ATP10A: variants seen among roughly 807,000 people sequenced by gnomAD.
ATP10A encodes the protein phospholipid-transporting ATPase VA.
A neutral mutation model predicts 147.8 loss-of-function variants in ATP10A; 111 were observed. The observed-to-expected ratio is 0.75, with a 90% CI of 0.64 to 0.88. ATP10A has a LOEUF of 0.88. ATP10A is among the 40% of genes least tolerant of loss of function. The pLI, the probability that ATP10A is intolerant of heterozygous loss-of-function variation, is 0.00. For missense variants in ATP10A, 1,927 were observed against 1,959.0 expected, an observed-to-expected ratio of 0.98 and a Z score of 0.31; for synonymous variants, 875 against 841.6, an observed-to-expected ratio of 1.04 and a Z score of -0.69.
chr15:25,780,615 A>G (rs1889870574), intron 2 of ATP10A, among the ~76,000 whole-genome samples: 1 of 152,186 alleles, frequency 6.6e-6, no homozygotes. Flanking sequence ...CTGAACCCAA[A>G]CACCCTTGAG....
rs181988418 is a variant in ATP10A, at chr15:25,747,214, G to A, written c.655-11073C>T. Among the ~76,000 whole-genome samples, 48 of 150,166 alleles carry A rather than the reference G, an allele frequency of 3.2e-4. No individual in the cohort carries two copies. In the East Asian group the frequency reaches 5.7e-3, roughly 18 times the overall value. ...TGAGTCAAGAGAAACACTTGAACACGGGAGGCGGAGGTTACAGTGAGCCAA... is the reference window on the plus strand; with the variant it reads ...TGAGTCAAGAGAAACACTTGAACACAGGAGGCGGAGGTTACAGTGAGCCAA... On this transcript the variant is annotated intron_variant, in intron 2 of 20. Coordinates refer to ENST00000555815, the MANE Select transcript of ATP10A (RefSeq NM_024490.4).
rs1901148198 is a variant in ATP10A, at chr15:25,708,016, G to C, written c.2535C>G (p.Phe845Leu). Residue 845 changes from phenylalanine (F) to leucine (L), a missense_variant, in exon 12 of 21, where the codon TTC becomes TTG. Phe to Leu is a conservative substitution (Grantham distance 22). Transcript: ENST00000555815. ...SSLENSEELL[F>L]QSAIRLETNL... Reference sequence around the variant, plus strand: ...TGGTCTCCAGGCGAATGGCAGACTGGAAGAGGAGCTCCTCGCTGTTTTCCA... The same window carrying C: ...TGGTCTCCAGGCGAATGGCAGACTGCAAGAGGAGCTCCTCGCTGTTTTCCA... The C allele has an allele frequency of 1.2e-6, 2 of 1,614,058 alleles. No individual in the cohort carries two copies. The highest frequency in any genetic ancestry group is 1.7e-5 in the Admixed American group (1 of 60,014).
chr15:25,863,739 A>G (rs1472742926), upstream of ATP10A: 1 of 152,186 alleles, frequency 6.6e-6, no homozygotes, highest in Admixed American at 6.5e-5. Flanking sequence ...CAGTGCTCCA[A>G]TTTTTAAGTC....
rs1056411531 is a variant in ATP10A at position 25,718,490 on chromosome 15, C to G, written c.1364-91G>C. 3.7e-6 allele frequency: 5 copies of G among 1,334,336 alleles called. No individual in the cohort carries two copies. In the African/African-American group the frequency reaches 5.8e-5, roughly 15 times the overall value. 82.7% of individuals were successfully genotyped at this position (1,334,336 alleles called of 1,614,324 possible). ...TCAGTGTGTTTTAGGTTCCGCGAGG[C>G]TTCCGGCAGGGCAGCCCCACAGGAT... On this transcript the variant is annotated intron_variant, in intron 7 of 20. Coordinates refer to ENST00000555815, the MANE Select transcript of ATP10A (RefSeq NM_024490.4).
At chr15:25,795,841 G>C (rs1490558274) in intron 1 of ATP10A, among the ~76,000 whole-genome samples, 1 of 152,138 alleles carries the variant, frequency 6.6e-6, no homozygotes, top group African/African-American at 2.4e-5. Flanking sequence ...ATCCCACATG[G>C]ATAGATGATT....
intron 1 of ATP10A, among the ~76,000 whole-genome samples, chr15:25,821,124 C>T (rs1339329393): frequency 6.6e-6 from 1 of 152,126 alleles, no homozygotes; most frequent in Non-Finnish European, 1.5e-5. Flanking sequence ...GCAGACTGGG[C>T]ACAAATGGCT....
intron 7 of ATP10A, among the ~76,000 whole-genome samples, chr15:25,718,691 G>T (rs773885952): frequency 6.6e-6 from 1 of 152,132 alleles, no homozygotes; most frequent in East Asian, 1.9e-4. Flanking sequence ...ACGTCCAGCC[G>T]GTCTCTTCAG....
chr15:25,817,913 G>A (rs1462910895), intron 1 of ATP10A, among the ~76,000 whole-genome samples: 4 of 152,146 alleles, frequency 2.6e-5, no homozygotes, highest in African/African-American at 9.6e-5. Context: ...TTCCTTTAAA[G>A]AGAATATACA....
rs569533846 is a variant in ATP10A, at chr15:25,723,174, C to T, written c.1110+717G>A. On this transcript the variant is annotated intron_variant, in intron 6 of 20. Coordinates refer to ENST00000555815, the MANE Select transcript of ATP10A (RefSeq NM_024490.4). ...GACCAGCCTGGCCAACATGGTGAAA[C>T]CCCATCTCTACCAAAAATACAAAAA... 2.0e-5 allele frequency among the ~76,000 whole-genome samples: 3 copies of T among 152,044 alleles called. No homozygotes were observed. The East Asian group carries it at 5.8e-4, about 29-fold the overall frequency.
chr15:25,816,065 T>C (rs1398012721), intron 1 of ATP10A, among the ~76,000 whole-genome samples: 2 of 151,018 alleles, frequency 1.3e-5, no homozygotes, highest in African/African-American at 2.4e-5. Flanking sequence ...TATAGGAAAA[T>C]TAAGAATATT....
chr15:25,768,162 G>A (rs1262404274), intron 2 of ATP10A, among the ~76,000 whole-genome samples: 2 of 152,164 alleles, frequency 1.3e-5, no homozygotes, highest in East Asian at 3.9e-4. Flanking sequence ...CGAGGAAACC[G>A]CTGGACCCTT....
At chr15:25,714,348 C>T (rs1033382512) in intron 9 of ATP10A, 107 bp from the exon 10 acceptor site, 17 of 986,756 alleles carry the variant, frequency 1.7e-5, no homozygotes, top group Middle Eastern at 2.3e-4. Flanking sequence ...ACAATGACCT[C>T]GCTTCCCCAC....
chr15:25,797,385 C>T (rs1165742446), intron 1 of ATP10A, among the ~76,000 whole-genome samples: 4 of 152,290 alleles, frequency 2.6e-5, no homozygotes, highest in East Asian at 1.9e-4. Flanking sequence ...CAGGCTAGCC[C>T]CCTCAGAGAG....
At chr15:25,776,569 C>A (rs1433818721) in intron 2 of ATP10A, among the ~76,000 whole-genome samples, 1 of 152,214 alleles carries the variant, frequency 6.6e-6, no homozygotes, top group East Asian at 1.9e-4. Flanking sequence ...GGGCCTCTCT[C>A]AATTCTTGGA....
At chr15:25,729,724 G>A (rs554700680) in intron 3 of ATP10A, among the ~76,000 whole-genome samples, 2 of 152,096 alleles carry the variant, frequency 1.3e-5, no homozygotes, top group Non-Finnish European at 1.5e-5. Context: ...GAGGTAGCCC[G>A]GCCTTCCGGC....
intron 2 of ATP10A, among the ~76,000 whole-genome samples, chr15:25,765,181 G>A (rs1442118802): frequency 6.6e-6 from 1 of 152,146 alleles, no homozygotes; most frequent in Non-Finnish European, 1.5e-5. Flanking sequence ...GCGGGGCGGG[G>A]GTGTTGTGTC....
At chr15:25,692,580 G>C (rs981237722) in intron 14 of ATP10A, among the ~76,000 whole-genome samples, 3 of 152,130 alleles carry the variant, frequency 2.0e-5, no homozygotes, top group African/African-American at 7.2e-5. Context: ...TGATTTTCCT[G>C]TTCTTTATAA....
intron 1 of ATP10A, among the ~76,000 whole-genome samples, chr15:25,850,241 A>G (rs982492154): frequency 3.9e-5 from 6 of 152,098 alleles, no homozygotes; most frequent in Non-Finnish European, 2.9e-5. Flanking sequence ...GTCAGTGGGG[A>G]GCACCCAGCA....
chr15:25,716,602 C>G, intron 9 of ATP10A, 128 bp downstream of exon 9: 1 of 917,696 alleles, frequency 1.1e-6, no homozygotes, highest in Non-Finnish European at 1.6e-6. Context: ...CCGCATCCCC[C>G]TTAGGTCACG....
Sources: gnomAD v4.1 joint callset for allele counts (sites outside exome capture counted in the v4.1 genomes callset) on GRCh38, gnomAD v4.1.1 for gene constraint, MANE v1.5 for transcripts, NCBI Gene and HGNC (gene_info 2026-07-23, HGNC 2026-07-21) for gene names.